Variants in DNM1L observed in about 807,000 individuals in gnomAD.
DNM1L encodes the protein dynamin 1L.
Under a neutral mutation model 92.8 loss-of-function variants are expected in DNM1L, and 33 were observed. The observed-to-expected ratio is 0.36, with a 90% CI of 0.27 to 0.48. The LOEUF is 0.48. Among genes scored for constraint, DNM1L ranks in the 20% least tolerant of loss-of-function variants. The pLI, the probability that DNM1L is intolerant of heterozygous loss-of-function variation, is 0.99. For missense variants in DNM1L, 485 were observed against 888.8 expected (o/e 0.55, Z 5.78); for synonymous variants, 284 against 305.0 (o/e 0.93, Z 0.72).
At chr12:32,679,574 G>A in intron 1 of DNM1L, 109 bp downstream of exon 1, 1 of 1,448,026 alleles carries the variant, frequency 6.9e-7, no homozygotes, top group South Asian at 1.2e-5. Flanking sequence ...GCCAGCCTTT[G>A]GGGCCTGTGG....
At chr12:32,730,358 C>T (rs1027147786) in intron 9 of DNM1L, among the ~76,000 whole-genome samples, 13 of 151,742 alleles carry the variant, frequency 8.6e-5, no homozygotes, top group African/African-American at 1.7e-4. Context: ...AGCGAGACTC[C>T]GTCTCAAAAA....
In DNM1L at chr12:32,744,778, C is replaced by T. The variant is rs1955538073; in HGVS notation, c.*1368C>T. 9.2e-6 allele frequency: 4 copies of T among 436,018 alleles called. No individual in the cohort carries two copies. The highest frequency in any genetic ancestry group is 1.8e-5 in the Non-Finnish European group (4 of 221,428). 27.0% of individuals were successfully genotyped at this position (436,018 alleles called of 1,614,324 possible). ...ACTCCTTCAGACTTACAGACCTAAG[C>T]TGCATTTATGGGGTAGTGATGAGGT... On this transcript the variant is annotated 3_prime_UTR_variant, in exon 20 of 20. Coordinates refer to ENST00000549701, the MANE Select transcript of DNM1L (RefSeq NM_012062.5).
chr12:32,683,344 C>T (rs1951876028), intron 1 of DNM1L, among the ~76,000 whole-genome samples: 1 of 151,952 alleles, frequency 6.6e-6, no homozygotes, highest in Non-Finnish European at 1.5e-5. Context: ...CTTGCCTCAG[C>T]CTCCTGAGTA....
intron 1 of DNM1L, among the ~76,000 whole-genome samples, chr12:32,681,795 A>T (rs1054668975): frequency 2.6e-5 from 4 of 152,070 alleles, no homozygotes; most frequent in African/African-American, 9.7e-5. Context: ...TTCTGTACTT[A>T]GTTCTGCCTA....
At chr12:32,732,579 G>T (rs1413413851) in intron 12 of DNM1L, 3 of 455,794 alleles carry the variant, frequency 6.6e-6, no homozygotes, top group Non-Finnish European at 1.3e-5. Context: ...CCCCGTGGAG[G>T]TTTACTAAGA....
At chr12:32,696,383 A>AACACACACACAC (rs58224525) in intron 1 of DNM1L, among the ~76,000 whole-genome samples, 77 of 145,118 alleles carry the variant, frequency 5.3e-4, no homozygotes, top group African/African-American at 1.3e-3. Context: ...CACACACACA[A>AACACACACACAC]ACACACACAC....
intron 12 of DNM1L, among the ~76,000 whole-genome samples, chr12:32,733,254 A>G (rs1188714407): frequency 6.6e-6 from 1 of 152,236 alleles, no homozygotes. Flanking sequence ...TCACTACCTC[A>G]GGTCCTTAGA....
intron 1 of DNM1L, among the ~76,000 whole-genome samples, chr12:32,689,086 A>G (rs2137238437): frequency 6.6e-6 from 1 of 152,276 alleles, no homozygotes; most frequent in South Asian, 2.1e-4. Context: ...AGAACAAAAA[A>G]CACCCCACAT....
intron 14 of DNM1L, chr12:32,737,510 T>A: frequency 2.6e-6 from 1 of 383,080 alleles, no homozygotes; most frequent in South Asian, 2.9e-5. Flanking sequence ...AAAAACAGTA[T>A]GCACAGAACA....
chr12:32,699,836 C>G (rs1249000134), intron 1 of DNM1L, among the ~76,000 whole-genome samples: 1 of 142,600 alleles, frequency 7.0e-6, no homozygotes, highest in Non-Finnish European at 1.5e-5. Flanking sequence ...ATGTTTAATA[C>G]TGATGGAGCT....
intron 2 of DNM1L, 148 bp from the exon 3 acceptor site, chr12:32,707,219 T>C: frequency 1.8e-6 from 1 of 559,156 alleles, no homozygotes; most frequent in Non-Finnish European, 3.2e-6. Flanking sequence ...AAATATAATT[T>C]AGCAGACCTT....
In DNM1L at chr12:32,737,308, A is replaced by G. The variant is rs904979173; in HGVS notation, c.1596+147A>G. ...TAACTGAGTAAAGGCATACAAGTTT[A>G]AAATGGGTTTTGAGTGATTTAAAGA... is the stretch of plus-strand genomic sequence containing the variant. On this transcript the variant is annotated intron_variant, in intron 14 of 19. Coordinates refer to ENST00000549701, the MANE Select transcript of DNM1L (RefSeq NM_012062.5). The G allele has an allele frequency of 5.3e-6, 4 of 758,068 alleles. No individual in the cohort carries two copies. The East Asian group carries it at 1.1e-4, about 21-fold the overall frequency. The allele number at this position is 758,068 out of a possible 1,614,324, so 47.0% of individuals were successfully genotyped here. A position where few individuals can be genotyped will look rare whatever the true frequency, so the allele number is the denominator to read the frequency against.
chr12:32,726,588 G>A, intron 9 of DNM1L: 3 of 1,186,460 alleles, frequency 2.5e-6, no homozygotes, highest in Non-Finnish European at 3.7e-6. Flanking sequence ...TTTGAAGTCT[G>A]CAGCAAGGAT....
At chr12:32,679,988 G>C in intron 1 of DNM1L, 1 of 985,520 alleles carries the variant, frequency 1.0e-6, no homozygotes, top group Non-Finnish European at 1.2e-6. Context: ...AGACGCTACG[G>C]TGCGTGAGCG....
chr12:32,737,273 C>A, intron 14 of DNM1L, 112 bp downstream of exon 14: 1 of 1,047,612 alleles, frequency 9.5e-7, no homozygotes, highest in Non-Finnish European at 1.4e-6. Context: ...CTTTAACACT[C>A]CATTGGAACT....
rs370381346 is a variant in DNM1L, at chr12:32,679,356, T to C, written c.-8T>C. The C allele has an allele frequency of 8.1e-6, 13 of 1,610,784 alleles. No homozygotes were observed. In the African/African-American group the frequency reaches 1.3e-4, roughly 17 times the overall value. On this transcript the variant is annotated 5_prime_UTR_variant, in exon 1 of 20. Transcript: ENST00000549701. ...CGGCGGGCACTGGGGCCCCGTGTTT[T>C]CAGAGTCATGGAGGCGCTAATTCCT...
intron 9 of DNM1L, among the ~76,000 whole-genome samples, chr12:32,724,908 A>G (rs10844321): frequency 0.14 from 21,424 of 151,744 alleles, 1,563 homozygotes; most frequent in Middle Eastern, 0.19. Flanking sequence ...AAACAGTACT[A>G]CACATTTTAA....
chr12:32,708,226 TAGGC>T lies in DNM1L; in HGVS notation c.369+4_369+7del. 1 of 1,567,456 alleles carries T rather than the reference TAGGC, an allele frequency of 6.4e-7. No individual in the cohort carries two copies. Among genetic ancestry groups the T allele is most frequent in the Non-Finnish European group, 8.8e-7 (1 of 1,138,304 alleles). Reference sequence around the variant, plus strand: ...GAAAGAATTTCAGGAAATAATAAGGTAGGCATCTTTTTAGAGCTAGAAGGCATAA... The same window carrying T: ...GAAAGAATTTCAGGAAATAATAAGGTATCTTTTTAGAGCTAGAAGGCATAA... On this transcript the variant is annotated splice_donor_5th_base_variant and intron_variant, in intron 4 of 19. Coordinates refer to ENST00000549701, the MANE Select transcript of DNM1L (RefSeq NM_012062.5).
chr12:32,733,791 T>G lies in DNM1L; in HGVS notation c.1523T>G (p.Met508Arg). 6.2e-7 allele frequency: 1 copy of G among 1,613,852 alleles called. No homozygotes were observed. The highest frequency in any genetic ancestry group is 8.5e-7 in the Non-Finnish European group (1 of 1,179,812). ...GACTTTGCTGATGCTTGTGGGCTAATGAACAATAATATAGAGGTAAATATA... is the reference window on the plus strand; with the variant it reads ...GACTTTGCTGATGCTTGTGGGCTAAGGAACAATAATATAGAGGTAAATATA... ...HPDFADACGL[M>R]NNNIEEQRRN... The change falls in exon 13 of 20, where the codon ATG becomes AGG. Residue 508 changes from methionine (M) to arginine (R), a missense_variant. Met to Arg is a moderately conservative substitution (Grantham distance 91). Around this residue, in one of 11 missense-constraint regions of DNM1L, gnomAD observed 65 missense variants for 59.4 expected, o/e 1.09. Transcript: ENST00000549701.
Sources: gnomAD v4.1 joint callset for allele counts (sites outside exome capture counted in the v4.1 genomes callset) on GRCh38, gnomAD v4.1.1 for gene constraint, gnomAD v4.1.1 regional missense constraint, MANE v1.5 for transcripts, NCBI Gene and HGNC (gene_info 2026-07-23, HGNC 2026-07-21) for gene names.